Variants in BPIFC observed in about 807,000 individuals in gnomAD.
BPIFC encodes BPI fold-containing family C protein.
A neutral mutation model predicts 57.6 loss-of-function variants in BPIFC; 60 were observed. The observed-to-expected ratio is 1.04, with a 90% CI of 0.85 to 1.29. BPIFC has a LOEUF of 1.29. BPIFC is among the 50% of genes most tolerant of loss of function. The pLI is 0.00. For missense variants in BPIFC, 581 were observed against 600.5 expected (o/e 0.97, Z 0.34); for synonymous variants, 243 against 224.5 (o/e 1.08, Z -0.74).
At chr22:32,457,527 A>G in intron 2 of BPIFC, 141 bp from the exon 3 acceptor site, 2 of 826,040 alleles carry the variant, frequency 2.4e-6, no homozygotes, top group South Asian at 1.9e-5. Context: ...CCATTCATCC[A>G]TCCATCCATC....
chr22:32,447,475 C>T (rs1934762869), intron 4 of BPIFC, 135 bp from the exon 5 acceptor site: 1 of 1,038,976 alleles, frequency 9.6e-7, no homozygotes. Context: ...AACCTCCTGT[C>T]TGCAAGGCTG....
At chr22:32,457,154 GTACGGCGTTTCTCAGTCAGGAGA>G (rs767402692) in intron 3 of BPIFC, 86 bp downstream of exon 3, 10 of 1,302,222 alleles carry the variant, frequency 7.7e-6, no homozygotes, top group Non-Finnish European at 1.0e-5. Context: ...TCACCCCACA[GTACGGCGTTTCTCAGTCAGGAGA>G]CAGCCCATGT....
intron 2 of BPIFC, among the ~76,000 whole-genome samples, chr22:32,460,833 A>C (rs1257637207): frequency 6.6e-6 from 1 of 152,200 alleles, no homozygotes; most frequent in Non-Finnish European, 1.5e-5. Flanking sequence ...TAAGTGCCTG[A>C]AGGCAGAGAC....
At chr22:32,453,765 G>A (rs912519936) in intron 3 of BPIFC, among the ~76,000 whole-genome samples, 1 of 152,146 alleles carries the variant, frequency 6.6e-6, no homozygotes, top group African/African-American at 2.4e-5. Context: ...TTTTATCACA[G>A]AACAGTGTGA....
intron 11 of BPIFC, 65 bp downstream of exon 11, chr22:32,433,654 A>T: frequency 1.3e-5 from 19 of 1,429,064 alleles, no homozygotes; most frequent in Non-Finnish European, 1.8e-5. Context: ...AGAACCCACA[A>T]GTCTTCCAGA....
At position 32,437,755 on chromosome 22, in the gene BPIFC, G is replaced by A. The variant is rs1286408626; in HGVS notation, c.747+5C>T. The A allele has an allele frequency of 1.3e-6, 2 of 1,575,618 alleles. No homozygotes were observed. The highest frequency in any genetic ancestry group is 1.3e-5 in the African/African-American group (1 of 74,160). ...GGCTGAGGATTCTGATGATGATAAA[G>A]TTACCTTCAAGTTCAGGTCAAGGTA... On this transcript the variant is annotated splice_donor_5th_base_variant and intron_variant, in intron 9 of 16. Coordinates refer to ENST00000300399, the MANE Select transcript of BPIFC (RefSeq NM_174932.3).
chr22:32,436,104 G>A (rs962962752), intron 9 of BPIFC, among the ~76,000 whole-genome samples: 3 of 152,024 alleles, frequency 2.0e-5, no homozygotes, highest in Admixed American at 2.0e-4. Flanking sequence ...TGATCAACCT[G>A]GGCAACATGG....
chr22:32,461,989 T>C (rs546793107), intron 1 of BPIFC, among the ~76,000 whole-genome samples: 52 of 151,826 alleles, frequency 3.4e-4, no homozygotes, highest in African/African-American at 1.2e-3. Context: ...CTGGCTAACA[T>C]GGTGAAACTG....
At chr22:32,462,576 T>G (rs1402133615) in intron 1 of BPIFC, among the ~76,000 whole-genome samples, 1 of 152,098 alleles carries the variant, frequency 6.6e-6, no homozygotes, top group Non-Finnish European at 1.5e-5. Context: ...AAACTCACAG[T>G]TCTTTGAAGT....
chr22:32,416,060 G>C, intron 15 of BPIFC, 69 bp from the exon 16 acceptor site: 1 of 868,792 alleles, frequency 1.2e-6, no homozygotes. Context: ...TTTTTAGTAA[G>C]AGACTGACTG....
At chr22:32,431,217 G>A (rs993965366) in intron 13 of BPIFC, 130 bp downstream of exon 13, 4 of 695,890 alleles carry the variant, frequency 5.7e-6, no homozygotes, top group Middle Eastern at 3.3e-4. Flanking sequence ...GGGTTCAAGC[G>A]ATTCTCCTGC....
At chr22:32,442,576 G>T in intron 8 of BPIFC, 95 bp downstream of exon 8, 1 of 1,244,790 alleles carries the variant, frequency 8.0e-7, no homozygotes, top group Non-Finnish European at 1.2e-6. Flanking sequence ...AGGATGGATA[G>T]CTCAAGCTAT....
chr22:32,425,870 A>G (rs1251458615), intron 13 of BPIFC, among the ~76,000 whole-genome samples: 1 of 152,206 alleles, frequency 6.6e-6, no homozygotes, highest in Non-Finnish European at 1.5e-5. Context: ...CTTTACCTGT[A>G]TTAACTCTCA....
chr22:32,439,097 G>A (rs1359442831), intron 8 of BPIFC, among the ~76,000 whole-genome samples: 3 of 151,938 alleles, frequency 2.0e-5, no homozygotes, highest in South Asian at 4.1e-4. Flanking sequence ...AGGCTGAGGT[G>A]GGCGGATCAC....
Position 32,447,258 on chromosome 22 carries a change from C to A in BPIFC, c.328G>T (p.Gly110Cys), listed in dbSNP as rs919281598. Residue 110 changes from glycine (G) to cysteine (C), a missense_variant, in exon 5 of 17, where the codon GGC (glycine) becomes TGC (cysteine). Physicochemically the swap from Gly to Cys is radical, Grantham distance 159 (BLOSUM62 -3). Transcript: ENST00000300399. ...GVGIKALTNH[G>C]TANISTDWGF... ...CAGTCTGTGCTGATGTTGGCAGTGC[C>A]ATGGTTGGTTAGCGCTTTGATTCCC... The A allele has an allele frequency of 1.2e-6, 2 of 1,613,976 alleles. No homozygotes were observed. Among genetic ancestry groups the A allele is most frequent in the East Asian group, 2.2e-5 (1 of 44,886 alleles).
intron 13 of BPIFC, among the ~76,000 whole-genome samples, chr22:32,425,043 A>G (rs1246181135): frequency 6.6e-6 from 1 of 152,004 alleles, no homozygotes; most frequent in Non-Finnish European, 1.5e-5. Context: ...CGGCCTCCCA[A>G]AGTGCTGAGA....
chr22:32,448,216 A>C (rs1235272574), intron 4 of BPIFC, among the ~76,000 whole-genome samples: 5 of 151,920 alleles, frequency 3.3e-5, no homozygotes, highest in South Asian at 4.2e-4. Flanking sequence ...CTACAGGCGC[A>C]TGCCACCACA....
chr22:32,424,681 T>TTCTTCTTCTTCTTCC (rs1933981285), intron 13 of BPIFC, among the ~76,000 whole-genome samples: 5 of 72,732 alleles, frequency 6.9e-5, no homozygotes, highest in African/African-American at 1.1e-4. Flanking sequence ...CTTCTTCTTC[T>TTCTTCTTCTTCTTCC]TCTTCTTCTT....
chr22:32,445,936 G>A lies in BPIFC; in HGVS notation c.435C>T (p.Ile145=). 6.2e-7 allele frequency: 1 copy of A among 1,614,114 alleles called. No homozygotes were observed. Among genetic ancestry groups the A allele is most frequent in the Non-Finnish European group, 8.5e-7 (1 of 1,180,006 alleles). ...LSGVYFTGII[I]LTRNDFGHPT... is the part of the protein sequence containing the mutation. ...GATGACCAAAGTCATTTCGGGTTAGGATAATGATACCGGTAAAGTAGACTC... is the reference window on the plus strand; with the variant it reads ...GATGACCAAAGTCATTTCGGGTTAGAATAATGATACCGGTAAAGTAGACTC... Residue 145 remains isoleucine (I), a synonymous_variant, in exon 6 of 17, where the codon ATC becomes ATT. Transcript: ENST00000300399.
Sources: allele counts gnomAD v4.1 joint callset (sites outside exome capture counted in the v4.1 genomes callset), GRCh38; gene constraint gnomAD v4.1.1; transcripts MANE v1.5; gene names NCBI Gene and HGNC (gene_info 2026-07-23, HGNC 2026-07-21).